The following NELL1 variants were observed in gnomAD, a reference collection of about 807,000 sequenced individuals.
NELL1 encodes neural EGFL like 1.
A neutral mutation model predicts 107.4 loss-of-function variants in NELL1; 76 were observed. The ratio of observed to expected loss-of-function variants is 0.71; its 90% confidence interval spans 0.59 to 0.86. The LOEUF (loss-of-function observed/expected upper bound fraction) is 0.86. Among genes scored for constraint, NELL1 ranks in the 40% least tolerant of loss-of-function variants. The pLI is 0.00. For missense variants in NELL1, 1,024 were observed against 1,005.5 expected, an observed-to-expected ratio of 1.02 and a Z score of -0.25; for synonymous variants, 353 against 341.2, an observed-to-expected ratio of 1.03 and a Z score of -0.38.
At chr11:21,124,651 G>A (rs1855449305) in intron 13 of NELL1, among the ~76,000 whole-genome samples, 1 of 150,214 alleles carries the variant, frequency 6.7e-6, no homozygotes, top group South Asian at 2.1e-4. Flanking sequence ...GCCCAGGCTA[G>A]AGTGCAATGG....
chr11:20,951,749 G>A (rs1851072821), intron 11 of NELL1, among the ~76,000 whole-genome samples: 1 of 152,068 alleles, frequency 6.6e-6, no homozygotes, highest in Non-Finnish European at 1.5e-5. Context: ...TGTAGTTTGT[G>A]GGACTCATGG....
intron 13 of NELL1, among the ~76,000 whole-genome samples, chr11:21,212,680 A>G (rs1379755882): frequency 1.3e-5 from 2 of 152,174 alleles, no homozygotes; most frequent in African/African-American, 2.4e-5. Flanking sequence ...ATCCATTGTT[A>G]GTGCAGCCCA....
At chr11:21,362,254 G>A (rs1416071046) in intron 14 of NELL1, among the ~76,000 whole-genome samples, 1 of 152,156 alleles carries the variant, frequency 6.6e-6, no homozygotes, top group Non-Finnish European at 1.5e-5. Context: ...TGCAGTAATT[G>A]TTATGGCTCT....
chr11:20,714,789 G>A (rs559601082), intron 2 of NELL1, among the ~76,000 whole-genome samples: 20 of 152,206 alleles, frequency 1.3e-4, no homozygotes, highest in African/African-American at 4.3e-4. Flanking sequence ...CCTACCATGT[G>A]CTAGGCACTT....
At chr11:21,122,409 C>A (rs1855389618) in intron 13 of NELL1, among the ~76,000 whole-genome samples, 1 of 152,154 alleles carries the variant, frequency 6.6e-6, no homozygotes, top group South Asian at 2.1e-4. Flanking sequence ...TCTTTAACAA[C>A]CAGTGTTTTA....
intron 12 of NELL1, among the ~76,000 whole-genome samples, chr11:21,085,867 G>A (rs1229367353): frequency 6.6e-6 from 1 of 152,188 alleles, no homozygotes; most frequent in African/African-American, 2.4e-5. Context: ...TTTTAAGGAA[G>A]AGAGGGGTAT....
intron 2 of NELL1, among the ~76,000 whole-genome samples, chr11:20,755,543 T>G (rs1454680171): frequency 5.1e-5 from 2 of 39,334 alleles, no homozygotes; most frequent in African/African-American, 1.6e-4. Flanking sequence ...GGTTTTTGTT[T>G]TTTTTTGTTT....
chr11:20,753,537 T>C (rs767589152), intron 2 of NELL1, among the ~76,000 whole-genome samples: 9 of 152,172 alleles, frequency 5.9e-5, no homozygotes, highest in Non-Finnish European at 1.2e-4. Context: ...ACATATTTTC[T>C]TGTAATTTGT....
intron 14 of NELL1, among the ~76,000 whole-genome samples, chr11:21,242,783 C>T (rs575253370): frequency 6.6e-6 from 1 of 152,100 alleles, no homozygotes; most frequent in Non-Finnish European, 1.5e-5. Context: ...TTTATCTAAG[C>T]CTCTGATGCT....
chr11:20,787,226 CTG>C (rs1385233597), intron 3 of NELL1, among the ~76,000 whole-genome samples: 2 of 151,702 alleles, frequency 1.3e-5, no homozygotes, highest in Admixed American at 6.6e-5. Flanking sequence ...GTATGAAAGA[CTG>C]TGGATTTGTA....
intron 3 of NELL1, among the ~76,000 whole-genome samples, chr11:20,827,430 C>T (rs564064117): frequency 6.6e-6 from 1 of 151,382 alleles, no homozygotes; most frequent in South Asian, 2.1e-4. Flanking sequence ...TTATATGTTG[C>T]TCACATAAAA....
Position 20,927,406 on chromosome 11 carries a change from G to A in NELL1, c.858G>A (p.Trp286Ter). 1 of 1,612,144 alleles carries A rather than the reference G, an allele frequency of 6.2e-7. No individual in the cohort carries two copies. Among genetic ancestry groups the A allele is most frequent in the Non-Finnish European group, 8.5e-7 (1 of 1,179,548 alleles). The change falls in exon 8 of 20, where the codon TGG becomes TGA. Residue 286 changes from tryptophan (W) to a stop codon, truncating the protein, a stop_gained. Coordinates refer to ENST00000357134, the MANE Select transcript of NELL1 (RefSeq NM_006157.5). LOFTEE classifies it high-confidence loss of function. The stretch of plus-strand genomic sequence containing the variant: ...TGCTCTATCGAGATCAAGACTCTTG[G>A]GTAGATGGTGACCATTGCAGGAACT... ...SGLLYRDQDSWVDGDHCRNCT... is the reference protein window; with the variant it reads ...SGLLYRDQDS
intron 12 of NELL1, among the ~76,000 whole-genome samples, chr11:21,061,913 C>T (rs914890912): frequency 7.9e-5 from 12 of 152,190 alleles, no homozygotes; most frequent in Non-Finnish European, 1.6e-4. Flanking sequence ...TAGCTGAACT[C>T]TCATTCTTCC....
chr11:21,564,945 G>A (rs1232793623), intron 17 of NELL1, among the ~76,000 whole-genome samples: 1 of 151,846 alleles, frequency 6.6e-6, no homozygotes, highest in Non-Finnish European at 1.5e-5. Flanking sequence ...TTTCTGGCAA[G>A]GAGGAAAGAA....
intron 14 of NELL1, among the ~76,000 whole-genome samples, chr11:21,274,902 T>G (rs903531927): frequency 2.6e-5 from 4 of 151,958 alleles, no homozygotes; most frequent in African/African-American, 9.7e-5. Flanking sequence ...TCAAAGCAGT[T>G]TGGAGAGGGA....
chr11:21,464,218 CCT>C (rs1405881308), intron 15 of NELL1, among the ~76,000 whole-genome samples: 1 of 151,964 alleles, frequency 6.6e-6, no homozygotes, highest in Non-Finnish European at 1.5e-5. Context: ...AATATACTCC[CCT>C]CTTTTTCTGG....
intron 14 of NELL1, among the ~76,000 whole-genome samples, chr11:21,294,275 T>C (rs1228355610): frequency 6.6e-6 from 1 of 152,098 alleles, no homozygotes; most frequent in Non-Finnish European, 1.5e-5. Flanking sequence ...TAGTTTATTC[T>C]GTGCTTATAC....
chr11:21,060,533 A>G (rs1194249762), intron 12 of NELL1, among the ~76,000 whole-genome samples: 1 of 152,168 alleles, frequency 6.6e-6, no homozygotes, highest in African/African-American at 2.4e-5. Context: ...GACATCTGGT[A>G]AAATGTTATA....
chr11:20,940,786 G>A (rs1036433117), intron 10 of NELL1, among the ~76,000 whole-genome samples: 2 of 152,182 alleles, frequency 1.3e-5, no homozygotes, highest in Non-Finnish European at 2.9e-5. Context: ...AGGTAGACAG[G>A]CATCTTTGGA....
Sources: gnomAD v4.1 joint callset for allele counts (sites outside exome capture counted in the v4.1 genomes callset) on GRCh38, gnomAD v4.1.1 for gene constraint, MANE v1.5 for transcripts, NCBI Gene and HGNC (gene_info 2026-07-23, HGNC 2026-07-21) for gene names.